The following C10orf143 variants were observed in gnomAD, a reference collection of about 807,000 sequenced individuals.
C10orf143 encodes the protein uncharacterized protein C10orf143.
At chr10:130,087,598 G>A (rs1053615596) in intron 1 of C10orf143, among the ~76,000 whole-genome samples, 3 of 152,210 alleles carry the variant, frequency 2.0e-5, no homozygotes, top group African/African-American at 7.2e-5. Context: ...ACCATTTGTT[G>A]AGGGGGACTT....
intron 3 of C10orf143, among the ~76,000 whole-genome samples, chr10:130,075,681 G>A (rs1861104283): frequency 6.6e-6 from 1 of 152,164 alleles, no homozygotes; most frequent in African/African-American, 2.4e-5. Flanking sequence ...GGGAGCTGGT[G>A]GGAGGTGACT....
intron 1 of C10orf143, among the ~76,000 whole-genome samples, chr10:130,101,503 T>TA (rs1861549883): frequency 6.6e-6 from 1 of 151,876 alleles, no homozygotes; most frequent in Admixed American, 6.6e-5. Context: ...TTTATATTAC[T>TA]GAAAGAAAAA....
chr10:130,068,609 C>T (rs1271277503), intron 3 of C10orf143: 1 of 13,136 alleles, frequency 7.6e-5, no homozygotes, highest in South Asian at 1.6e-3. Context: ...AAAACTCCAT[C>T]TCAAAAAAAA....
rs1321876786 is a variant in C10orf143, at chr10:130,099,998, C to T, written c.69+10706G>A. Among the ~76,000 whole-genome samples, 11 of 150,272 alleles carry T rather than the reference C, an allele frequency of 7.3e-5. No homozygotes were observed. In the South Asian group the frequency reaches 1.1e-3, roughly 15 times the overall value. ...GATTACAGGCACGCGCCACCACACC[C>T]GGCTAATTTTTGTATTTTTAGTAGA... is the stretch of plus-strand genomic sequence containing the variant. On this transcript the variant is annotated intron_variant, in intron 1 of 3. Coordinates refer to ENST00000637128, the MANE Select transcript of C10orf143 (RefSeq NM_001355042.2).
intron 3 of C10orf143, among the ~76,000 whole-genome samples, chr10:130,037,807 G>T (rs1202577554): frequency 6.6e-6 from 1 of 152,158 alleles, no homozygotes; most frequent in Non-Finnish European, 1.5e-5. Context: ...GTGTCCTTCT[G>T]GGGGGTCCGG....
intron 1 of C10orf143, among the ~76,000 whole-genome samples, chr10:130,080,904 T>C (rs1056205862): frequency 6.6e-6 from 1 of 152,214 alleles, no homozygotes; most frequent in African/African-American, 2.4e-5. Flanking sequence ...CATTACTGTA[T>C]AGTTCATTAT....
chr10:130,068,007 A>C (rs1860965239), intron 3 of C10orf143: 1 of 152,464 alleles, frequency 6.6e-6, no homozygotes, highest in Non-Finnish European at 1.5e-5. Context: ...CGGCTACCAG[A>C]ACCTGGAAGG....
At chr10:130,109,572 A>G (rs1245935856) in intron 1 of C10orf143, among the ~76,000 whole-genome samples, 3 of 152,122 alleles carry the variant, frequency 2.0e-5, no homozygotes, top group African/African-American at 7.2e-5. Flanking sequence ...ACTGTACTAT[A>G]CTATTACTAT....
chr10:130,108,415 G>C (rs1469783161), intron 1 of C10orf143: 2 of 902,534 alleles, frequency 2.2e-6, no homozygotes. Context: ...CTTCAAATGA[G>C]CCTGCTACGG....
At chr10:130,061,898 ACCGTC>A (rs368202401), downstream of C10orf143, among the ~76,000 whole-genome samples, 370 of 151,408 alleles carry the variant, frequency 2.4e-3, 2 homozygotes, top group African/African-American at 8.6e-3. Context: ...GAGAGCAGAG[ACCGTC>A]CTGTGGCCAG....
chr10:130,109,958 G>A (rs1428828051), intron 1 of C10orf143, among the ~76,000 whole-genome samples: 1 of 152,104 alleles, frequency 6.6e-6, no homozygotes, highest in African/African-American at 2.4e-5. Flanking sequence ...GCAAGCAGAG[G>A]TGGAAGATAA....
At chr10:130,102,067 A>G (rs1472110750) in intron 1 of C10orf143, among the ~76,000 whole-genome samples, 1 of 151,986 alleles carries the variant, frequency 6.6e-6, no homozygotes, top group Non-Finnish European at 1.5e-5. Context: ...CAGGAGTTTG[A>G]GACCAGCCTG....
intron 1 of C10orf143, among the ~76,000 whole-genome samples, chr10:130,091,645 A>G (rs1861384154): frequency 6.6e-6 from 1 of 152,220 alleles, no homozygotes; most frequent in Admixed American, 6.5e-5. Flanking sequence ...GTTTTAACCC[A>G]ATGTAAGGAA....
At chr10:130,100,695 A>C (rs1861535064) in intron 1 of C10orf143, among the ~76,000 whole-genome samples, 1 of 152,256 alleles carries the variant, frequency 6.6e-6, no homozygotes, top group South Asian at 2.1e-4. Flanking sequence ...GTCTGGGATT[A>C]AAAATGCACT....
intron 1 of C10orf143, chr10:130,105,951 G>A: frequency 2.6e-6 from 1 of 385,796 alleles, no homozygotes. Context: ...CCGGTTGCCG[G>A]GTGCGGATTC....
chr10:130,042,735 G>C (rs1006692770), intron 3 of C10orf143, among the ~76,000 whole-genome samples: 1 of 152,228 alleles, frequency 6.6e-6, no homozygotes, highest in Non-Finnish European at 1.5e-5. Flanking sequence ...CGTCTGGAGA[G>C]CCTATATTCG....
At chr10:130,086,573 C>T (rs1861294909) in intron 1 of C10orf143, among the ~76,000 whole-genome samples, 1 of 152,174 alleles carries the variant, frequency 6.6e-6, no homozygotes, top group Non-Finnish European at 1.5e-5. Flanking sequence ...TCAATCCTTA[C>T]AGTGCAAAAG....
intron 3 of C10orf143, among the ~76,000 whole-genome samples, chr10:130,048,105 C>A (rs1860697509): frequency 6.6e-6 from 1 of 152,228 alleles, no homozygotes; most frequent in South Asian, 2.1e-4. Flanking sequence ...CATCTTGGTG[C>A]CCTGGAGCCC....
chr10:130,062,847 A>G (rs544065154), downstream of C10orf143, among the ~76,000 whole-genome samples: 5 of 152,204 alleles, frequency 3.3e-5, no homozygotes, highest in East Asian at 7.7e-4. Flanking sequence ...CTGGGTCATC[A>G]GGTTTTGTGA....
Sources: gnomAD v4.1 joint callset for allele counts (sites outside exome capture counted in the v4.1 genomes callset) on GRCh38, gnomAD v4.1.1 for gene constraint, MANE v1.5 for transcripts, NCBI Gene and HGNC (gene_info 2026-07-23, HGNC 2026-07-21) for gene names.